Variants in PBX1 observed in about 807,000 individuals in gnomAD.
PBX1 encodes pre-B-cell leukemia transcription factor 1.
In PBX1, 6 loss-of-function variants were observed where a neutral mutation model predicts 53.4. The ratio of observed to expected loss-of-function variants is 0.11; its 90% confidence interval spans 0.06 to 0.22. The LOEUF is 0.22. PBX1 is among the 10% of genes least tolerant of loss of function. PBX1 has a pLI of 1.00. For synonymous variants in PBX1, 204 were observed against 212.3 expected (o/e 0.96, Z 0.34); for missense variants, 251 against 551.4 (o/e 0.46, Z 5.46).
chr1:164,560,046 GGTTT>G (rs2101678823), intron 1 of PBX1, 33 bp downstream of exon 1: 5 of 1,320,436 alleles, frequency 3.8e-6, no homozygotes, highest in Non-Finnish European at 4.9e-6. Flanking sequence ...CCTTTCTTGG[GGTTT>G]TTTGTTTTTC....
At chr1:164,660,536 T>C (rs909918198) in intron 2 of PBX1, among the ~76,000 whole-genome samples, 1 of 152,042 alleles carries the variant, frequency 6.6e-6, no homozygotes, top group African/African-American at 2.4e-5. Flanking sequence ...TTGCTCCTTG[T>C]CACCCTATCA....
In PBX1 at chr1:164,692,341, A is replaced by C. The variant is rs1295443185; in HGVS notation, c.266-100153A>C. 2.6e-5 allele frequency among the ~76,000 whole-genome samples: 4 copies of C among 152,178 alleles called. No homozygotes were observed. The East Asian group carries it at 7.7e-4, about 29-fold the overall frequency. On this transcript the variant is annotated intron_variant, in intron 2 of 8. Transcript: ENST00000420696. ...TGATTTTAGTGTTTTTTATGCTGTC[A>C]CTCAGCCCATTGCCTTGAGTATAGC...
intron 8 of PBX1, among the ~76,000 whole-genome samples, chr1:164,831,049 A>C (rs887662805): frequency 4.7e-4 from 71 of 152,210 alleles, no homozygotes; most frequent in Non-Finnish European, 8.5e-4. Flanking sequence ...TCAACATTTT[A>C]TTTAAAAAAT....
chr1:164,698,408 GT>G (rs1314624889), intron 2 of PBX1, among the ~76,000 whole-genome samples: 1 of 152,172 alleles, frequency 6.6e-6, no homozygotes, highest in Non-Finnish European at 1.5e-5. Flanking sequence ...GCCTTGTGGG[GT>G]TGAACAGAAG....
chr1:164,745,994 C>T (rs1290211865), intron 2 of PBX1, among the ~76,000 whole-genome samples: 5 of 152,180 alleles, frequency 3.3e-5, no homozygotes, highest in Middle Eastern at 3.2e-3. Flanking sequence ...ACCTGTTGCT[C>T]GCACATGGCC....
chr1:164,754,372 C>T (rs960384183), intron 2 of PBX1, among the ~76,000 whole-genome samples: 1 of 152,188 alleles, frequency 6.6e-6, no homozygotes, highest in African/African-American at 2.4e-5. Flanking sequence ...TCGGGAGAAC[C>T]TTTATCATTT....
At chr1:164,885,948 G>A (rs903091928) in intron 2 of PBX1, among the ~76,000 whole-genome samples, 1 of 152,022 alleles carries the variant, frequency 6.6e-6, no homozygotes, top group African/African-American at 2.4e-5. Context: ...CCTCTAGAAT[G>A]TATGCTCTAT....
chr1:164,671,959 C>T (rs79149452), intron 2 of PBX1, among the ~76,000 whole-genome samples: 17 of 151,952 alleles, frequency 1.1e-4, no homozygotes, highest in African/African-American at 3.9e-4. Context: ...GAGAGTCCAC[C>T]GTGGATTCTT....
intron 4 of PBX1, 117 bp downstream of exon 4, chr1:164,800,006 A>G: frequency 2.2e-6 from 2 of 907,954 alleles, no homozygotes; most frequent in South Asian, 3.4e-5. Context: ...GAACCAAGTG[A>G]TACCCTGAGG....
At chr1:164,867,379 G>T (rs1229866562) in intron 2 of PBX1, among the ~76,000 whole-genome samples, 2 of 152,170 alleles carry the variant, frequency 1.3e-5, no homozygotes, top group African/African-American at 4.8e-5. Context: ...ATAAAATTGG[G>T]CTACGCAGAC....
At chr1:164,560,554 C>G (rs1652967597) in intron 1 of PBX1, 1 of 53,002 alleles carries the variant, frequency 1.9e-5, no homozygotes, top group Non-Finnish European at 3.2e-5. Context: ...TCCTTTCTTC[C>G]CCCCCTACCC....
rs1262362525 is a variant in PBX1, at chr1:164,851,676, C to T, written c.*5000C>T. ...TTTGGTTTTGAAAGTTTAAGCTTTT[C>T]TGCTTCTGTGAGAGCACAGGCTTCT... is the stretch of plus-strand genomic sequence containing the variant. On this transcript the variant is annotated 3_prime_UTR_variant, in exon 9 of 9. Transcript: ENST00000420696. The T allele has an allele frequency of 5.5e-6, 1 of 182,606 alleles. No individual in the cohort carries two copies. Among genetic ancestry groups the T allele is most frequent in the Non-Finnish European group, 1.2e-5 (1 of 85,792 alleles). 11.3% of individuals were successfully genotyped at this position (182,606 alleles called of 1,614,324 possible).
chr1:164,732,249 G>A (rs1024440057), intron 2 of PBX1, among the ~76,000 whole-genome samples: 2 of 152,130 alleles, frequency 1.3e-5, no homozygotes, highest in African/African-American at 4.8e-5. Context: ...TATTTTTGAA[G>A]TAAGGAATTG....
At chr1:164,696,158 G>A (rs1263122655) in intron 2 of PBX1, among the ~76,000 whole-genome samples, 1 of 152,174 alleles carries the variant, frequency 6.6e-6, no homozygotes, top group Non-Finnish European at 1.5e-5. Context: ...TGTGCCGGAT[G>A]TACTAGAGTG....
intron 8 of PBX1, chr1:164,828,819 C>T (rs1670604921): frequency 6.6e-6 from 1 of 152,130 alleles, no homozygotes; most frequent in South Asian, 2.1e-4. Flanking sequence ...CTGAGTCTAG[C>T]CTCACCCCTT....
At chr1:164,633,841 G>A (rs544309557) in intron 2 of PBX1, among the ~76,000 whole-genome samples, 35 of 152,330 alleles carry the variant, frequency 2.3e-4, no homozygotes, top group Non-Finnish European at 4.0e-4. Flanking sequence ...TTAATACACA[G>A]AAAGCAATTA....
chr1:164,779,026 A>G (rs1667805427), intron 2 of PBX1, among the ~76,000 whole-genome samples: 1 of 149,792 alleles, frequency 6.7e-6, no homozygotes, highest in South Asian at 2.1e-4. Context: ...ATGTGAGAAT[A>G]AAAGCAAAGG....
downstream of PBX1, among the ~76,000 whole-genome samples, chr1:164,852,155 G>T (rs1671868545): frequency 6.6e-6 from 1 of 152,206 alleles, no homozygotes; most frequent in African/African-American, 2.4e-5. Context: ...TAAATTCTAA[G>T]TTCCTAAGTC....
chr1:164,565,477 C>G (rs1653370390), intron 2 of PBX1, among the ~76,000 whole-genome samples: 1 of 151,264 alleles, frequency 6.6e-6, no homozygotes, highest in Admixed American at 6.6e-5. Flanking sequence ...GAGGGCACCC[C>G]TGGGTGAAAG....
Sources: gnomAD v4.1 joint callset for allele counts (sites outside exome capture counted in the v4.1 genomes callset) on GRCh38, gnomAD v4.1.1 for gene constraint, MANE v1.5 for transcripts, NCBI Gene and HGNC (gene_info 2026-07-23, HGNC 2026-07-21) for gene names.